The following SPAST variants were observed in gnomAD, a reference collection of about 807,000 sequenced individuals.
SPAST encodes spastic paraplegia 4 (autosomal dominant; spastin).
SPAST carries 30 observed loss-of-function variants against 76.6 expected under a neutral mutation model. The observed-to-expected ratio is 0.39, with a 90% confidence interval of 0.29 to 0.53. The LOEUF (loss-of-function observed/expected upper bound fraction) is 0.53, where lower values mean the gene tolerates loss of function less well. Ranked by LOEUF, SPAST falls within the 20% of genes least tolerant of loss-of-function variation. The pLI is 0.68. For synonymous variants in SPAST, 305 were observed against 281.0 expected, an observed-to-expected ratio of 1.09 and a Z score of -0.86; for missense variants, 717 against 770.5, an observed-to-expected ratio of 0.93 and a Z score of 0.82.
In SPAST at chr2:32,152,766, G is replaced by A. The variant is rs1470853311; in HGVS notation, c.1729-1608G>A. On this transcript the variant is annotated intron_variant, in intron 16 of 16. Coordinates refer to ENST00000315285, the MANE Select transcript of SPAST (RefSeq NM_014946.4). ...CTGGGTTTTTGGGGTTTTTTTTTTTGAGACAGGGTATCACTCTGTCTCCCA... is the reference window on the plus strand; with the variant it reads ...CTGGGTTTTTGGGGTTTTTTTTTTTAAGACAGGGTATCACTCTGTCTCCCA... 1.3e-4 allele frequency among the ~76,000 whole-genome samples: 19 copies of A among 147,548 alleles called. No individual in the cohort carries two copies. The Admixed American group carries it at 1.3e-3, about 10-fold the overall frequency.
chr2:32,096,662 T>A (rs1677927904), intron 3 of SPAST, among the ~76,000 whole-genome samples: 1 of 152,180 alleles, frequency 6.6e-6, no homozygotes, highest in Non-Finnish European at 1.5e-5. Flanking sequence ...ACTAAGAATA[T>A]AATTTCTTTC....
rs1360579521 is a variant in SPAST, at chr2:32,143,363, T to G, written c.1564T>G (p.Leu522Val). ...ETRLLLLKNL[L>V]CKQGSPLTQK... ...AAGACTACTTTTGCTTAAAAATCTG[T>G]TATGTAAACAAGGAAGTCCATTGAC... is the stretch of plus-strand genomic sequence containing the variant. Residue 522 changes from leucine (L) to valine (V), a missense_variant, in exon 14 of 17, where the codon TTA becomes GTA. Coordinates refer to ENST00000315285, the MANE Select transcript of SPAST (RefSeq NM_014946.4). 1 of 1,605,456 alleles carries G rather than the reference T, an allele frequency of 6.2e-7. No homozygotes were observed. The highest frequency in any genetic ancestry group is 8.5e-7 in the Non-Finnish European group (1 of 1,172,874).
chr2:32,107,847 C>T (rs1266492180), intron 4 of SPAST, among the ~76,000 whole-genome samples: 2 of 152,024 alleles, frequency 1.3e-5, no homozygotes, highest in African/African-American at 4.8e-5. Context: ...ATCACTCAGA[C>T]CTATTAGTAG....
chr2:32,150,596 C>T lies in SPAST; in HGVS notation c.1728+3338C>T, dbSNP rs1468450090. On this transcript the variant is annotated intron_variant, in intron 16 of 16. Transcript: ENST00000315285. ...GGGACTACGGGCATGTACCACCACA[C>T]TCAGCTAAATTTTTAATTTTTTGTA... Among the ~76,000 whole-genome samples the T allele has an allele frequency of 1.3e-5, 2 of 151,690 alleles. 1 individual carries two copies. Among genetic ancestry groups the T allele is most frequent in the African/African-American group, 4.8e-5 (2 of 41,272 alleles).
chr2:32,092,011 G>A (rs1677738848), intron 3 of SPAST, among the ~76,000 whole-genome samples: 1 of 152,006 alleles, frequency 6.6e-6, no homozygotes, highest in East Asian at 1.9e-4. Flanking sequence ...AAAAATGTTG[G>A]TTTTTATTTA....
At chr2:32,098,691 G>T in intron 3 of SPAST, 105 bp from the exon 4 acceptor site, 2 of 742,092 alleles carry the variant, frequency 2.7e-6, no homozygotes, top group Non-Finnish European at 4.8e-6. Context: ...GTAACAATCT[G>T]GTAACACCTT....
intron 7 of SPAST, 35 bp from the exon 8 acceptor site, chr2:32,126,913 A>G (rs755277514): frequency 4.6e-5 from 66 of 1,433,148 alleles, no homozygotes; most frequent in Middle Eastern, 3.5e-4. Context: ...ATGTCTCTAG[A>G]ATCATAGTTG....
intron 1 of SPAST, among the ~76,000 whole-genome samples, chr2:32,072,586 G>T (rs1676796221): frequency 6.6e-6 from 1 of 151,938 alleles, no homozygotes; most frequent in African/African-American, 2.4e-5. Flanking sequence ...GCAAGGGGAG[G>T]GTCCATGAGT....
Position 32,114,743 on chromosome 2 carries a change from A to G in SPAST, c.788A>G (p.His263Arg), listed in dbSNP as rs2148733019. The change falls in exon 5 of 17, where the codon CAC becomes CGC. Residue 263 changes from histidine to arginine, a missense_variant. His to Arg is a conservative substitution (Grantham distance 29, BLOSUM62 0). Transcript: ENST00000315285. ...ACTGGATCTGCAGGCCTTTCAGGCC[A>G]CCATAGAGCACCTAGTTACAGTGGT... ...MKTGSAGLSGHHRAPSYSGLS... is the reference protein window; with the variant it reads ...MKTGSAGLSGRHRAPSYSGLS... The G allele has an allele frequency of 6.2e-7, 1 of 1,614,096 alleles. No individual in the cohort carries two copies. Among genetic ancestry groups the G allele is most frequent in the Non-Finnish European group, 8.5e-7 (1 of 1,179,970 alleles).
rs72862283 is a variant in SPAST, at chr2:32,090,333, C to G, written c.586+728C>G. ...AACCTAACATATTTACTGTCTGGCC[C>G]TGAGAAAGCCTGCCATCTTCACTTG... is the stretch of plus-strand genomic sequence containing the variant. On this transcript the variant is annotated intron_variant, in intron 3 of 16. Transcript: ENST00000315285. 2.0e-3 allele frequency among the ~76,000 whole-genome samples: 306 copies of G among 152,322 alleles called. 1 individual carries two copies. The highest frequency in any genetic ancestry group is 7.1e-3 in the African/African-American group (293 of 41,552).
chr2:32,155,517 C>T lies in SPAST; in HGVS notation c.*1021C>T, dbSNP rs1341239002. ...CTTTTATTCTTAATAATTATTAATC[C>T]CTTCAATGAAACTTTAAAAAAACTG... On this transcript the variant is annotated 3_prime_UTR_variant, in exon 17 of 17. Transcript: ENST00000315285. 3.3e-5 allele frequency: 5 copies of T among 152,178 alleles called. No individual in the cohort carries two copies. The South Asian group carries it at 6.3e-4, about 19-fold the overall frequency. The allele number at this position is 152,178 out of a possible 1,614,324, so 9.4% of individuals were successfully genotyped here.
intron 7 of SPAST, 25 bp downstream of exon 7, chr2:32,116,237 T>G (rs1487482423): frequency 7.0e-7 from 1 of 1,420,796 alleles, no homozygotes; most frequent in East Asian, 2.3e-5. Flanking sequence ...TTATCATTTT[T>G]CTATAATACC....
chr2:32,129,045 G>A (rs1003605356), intron 9 of SPAST: 1 of 161,304 alleles, frequency 6.2e-6, no homozygotes, highest in Non-Finnish European at 1.4e-5. Context: ...CACATTCATA[G>A]GTACTAGGGA....
At chr2:32,091,832 T>A (rs1400304931) in intron 3 of SPAST, among the ~76,000 whole-genome samples, 1 of 150,562 alleles carries the variant, frequency 6.6e-6, no homozygotes. Flanking sequence ...AGACTCTGTC[T>A]CAAAAAAATA....
In SPAST at chr2:32,156,037, T is replaced by TG. The variant is rs542086083; in HGVS notation, c.*1544dup. 129 of 148,298 alleles carry TG rather than the reference T, an allele frequency of 8.7e-4. No homozygotes were observed. Among genetic ancestry groups the TG allele is most frequent in the East Asian group, 2.4e-3 (12 of 5,058 alleles). The allele number at this position is 148,298 out of a possible 1,614,324, so 9.2% of individuals were successfully genotyped here. A position where few individuals can be genotyped will look rare whatever the true frequency, so the allele number is the denominator to read the frequency against. Reference sequence around the variant, plus strand: ...TTGAATATAGAAGATGCATGATTTCTGGGTTTTTTTTTTTTTTTGAGACAG... The same window carrying TG: ...TTGAATATAGAAGATGCATGATTTCTGGGGTTTTTTTTTTTTTTTGAGACAG... On this transcript the variant is annotated 3_prime_UTR_variant, in exon 17 of 17. Transcript: ENST00000315285.
At chr2:32,086,785 G>A (rs1032057368) in intron 1 of SPAST, among the ~76,000 whole-genome samples, 2 of 151,882 alleles carry the variant, frequency 1.3e-5, no homozygotes, top group Non-Finnish European at 2.9e-5. Flanking sequence ...AGTCTAAGAA[G>A]TTAATTTTCA....
intron 1 of SPAST, among the ~76,000 whole-genome samples, chr2:32,083,731 CTATATATATTTATATATACTATATATATA>C (rs1677338033): frequency 1.4e-5 from 1 of 70,546 alleles, no homozygotes; most frequent in Non-Finnish European, 2.6e-5. Flanking sequence ...TTTATATATA[CTATATATATTTATATATACTATATATATA>C]TATATATATA....
intron 1 of SPAST, among the ~76,000 whole-genome samples, chr2:32,083,772 A>ATTTTT (rs1254717387): frequency 2.0e-5 from 1 of 51,188 alleles, no homozygotes; most frequent in Non-Finnish European, 3.9e-5. Context: ...ATATATATAT[A>ATTTTT]TATATTTTTT....
chr2:32,086,477 A>G (rs1342026604), intron 1 of SPAST, among the ~76,000 whole-genome samples: 1 of 147,790 alleles, frequency 6.8e-6, no homozygotes, highest in Non-Finnish European at 1.5e-5. Flanking sequence ...AAAAAAAAAA[A>G]TGAGGCCGGG....
Sources: gnomAD v4.1 joint callset for allele counts (sites outside exome capture counted in the v4.1 genomes callset) on GRCh38, gnomAD v4.1.1 for gene constraint, MANE v1.5 for transcripts, NCBI Gene and HGNC (gene_info 2026-07-23, HGNC 2026-07-21) for gene names.